ZNF783: variants seen among roughly 807,000 people sequenced by gnomAD.
ZNF783 encodes zinc finger protein 783.
A neutral mutation model predicts 31.3 loss-of-function variants in ZNF783; 25 were observed. That is an observed-to-expected ratio of 0.80 (90% CI 0.58 to 1.11). ZNF783 has a LOEUF of 1.11. ZNF783 is among the 50% of genes most tolerant of loss of function. The pLI is 0.00. For synonymous variants in ZNF783, 369 were observed against 319.1 expected (o/e 1.16, Z -1.66); for missense variants, 797 against 760.0 (o/e 1.05, Z -0.57).
chr7:149,271,873 A>G (rs1014071558), intron 4 of ZNF783, among the ~76,000 whole-genome samples: 8 of 152,152 alleles, frequency 5.3e-5, no homozygotes, highest in Non-Finnish European at 1.0e-4. Context: ...GTGGATTCAG[A>G]ATGTTCTGTG....
intron 4 of ZNF783, 33 bp downstream of exon 4, chr7:149,267,255 C>T (rs367896163): frequency 1.6e-4 from 247 of 1,551,066 alleles, no homozygotes; most frequent in African/African-American, 8.5e-4. Context: ...GTTGGGGGGC[C>T]GCCAGGGGCT....
At position 149,266,562 on chromosome 7, in the gene ZNF783, A is replaced by C. The variant is rs1364322599; in HGVS notation, c.252A>C (p.Thr84=). 11 of 1,614,208 alleles carry C rather than the reference A, an allele frequency of 6.8e-6. No homozygotes were observed. The highest frequency in any genetic ancestry group is 9.3e-6 in the Non-Finnish European group (11 of 1,180,038). The change falls in exon 2 of 6, where the codon ACA becomes ACC. Residue 84 remains threonine, a synonymous_variant. Coordinates refer to ENST00000434415, the MANE Select transcript of ZNF783 (RefSeq NM_001195220.2). ...AGAAGCTGGCCGACTGCGAGAAGAC[A>C]GCTGTGGAGTTCGGGAACCAGCTGG... ...AEKKLADCEK[T]AVEFGNQLEG... is the part of the protein sequence containing the mutation.
At chr7:149,280,674 C>T (rs1014191022) in intron 5 of ZNF783, among the ~76,000 whole-genome samples, 1 of 152,204 alleles carries the variant, frequency 6.6e-6, no homozygotes, top group African/African-American at 2.4e-5. Flanking sequence ...TGGCTGGGCT[C>T]CCAGCCCCTC....
At chr7:149,265,717 A>T (rs1159117595) in intron 1 of ZNF783, among the ~76,000 whole-genome samples, 1 of 152,252 alleles carries the variant, frequency 6.6e-6, no homozygotes, top group African/African-American at 2.4e-5. Context: ...TAGCCCTGCA[A>T]CATGGGGCTC....
intron 4 of ZNF783, chr7:149,277,755 A>AAAT (rs10683037): frequency 6.7e-6 from 1 of 148,284 alleles, no homozygotes; most frequent in Non-Finnish European, 1.5e-5. Context: ...AAAAAAAAAA[A>AAAT]TTCAAAAAAA....
chr7:149,266,926 C>T lies in ZNF783; in HGVS notation c.528C>T (p.Tyr176=), dbSNP rs199566596. 1.3e-4 allele frequency: 216 copies of T among 1,614,046 alleles called. No homozygotes were observed. The Middle Eastern group carries it at 5.6e-3, about 42-fold the overall frequency. Residue 176 remains tyrosine (Y), a synonymous_variant, in exon 3 of 6, where the codon TAC becomes TAT. Transcript: ENST00000434415. ...ELYKHVMRGN[Y]ETLVSLDYAI... Reference sequence around the variant, plus strand: ...ACAAGCACGTGATGAGGGGCAACTACGAGACGCTGGTCTCCCTGGGTAAGG... The same window carrying T: ...ACAAGCACGTGATGAGGGGCAACTATGAGACGCTGGTCTCCCTGGGTAAGG...
intron 1 of ZNF783, among the ~76,000 whole-genome samples, chr7:149,264,925 C>CGGG (rs1797029028): frequency 7.8e-6 from 1 of 127,540 alleles, no homozygotes; most frequent in South Asian, 2.7e-4. Context: ...AGTGTATTGT[C>CGGG]GGGGAGAAGC....
chr7:149,268,562 G>C (rs567603706), intron 4 of ZNF783, among the ~76,000 whole-genome samples: 32 of 152,274 alleles, frequency 2.1e-4, no homozygotes, highest in Non-Finnish European at 4.0e-4. Flanking sequence ...CCCAGGTAGT[G>C]AGCATAGTAC....
intron 1 of ZNF783, among the ~76,000 whole-genome samples, chr7:149,263,713 C>T (rs1054689621): frequency 2.0e-5 from 3 of 152,016 alleles, no homozygotes; most frequent in African/African-American, 7.2e-5. Context: ...ATCCTTTGGC[C>T]ATTTTTGACA....
chr7:149,271,959 T>C (rs1797219548), intron 4 of ZNF783, among the ~76,000 whole-genome samples: 1 of 152,224 alleles, frequency 6.6e-6, no homozygotes, highest in African/African-American at 2.4e-5. Context: ...TAAATAATGC[T>C]GCAGGGAGTA....
intron 4 of ZNF783, among the ~76,000 whole-genome samples, chr7:149,273,799 C>T (rs1466276159): frequency 2.6e-5 from 4 of 152,198 alleles, no homozygotes; most frequent in African/African-American, 9.6e-5. Flanking sequence ...CTGCCACAGC[C>T]TTCCAAAGCA....
Position 149,281,950 on chromosome 7 carries a change from C to A in ZNF783, c.1248C>A (p.Arg416=). The A allele has an allele frequency of 6.4e-7, 1 of 1,561,032 alleles. No homozygotes were observed. The highest frequency in any genetic ancestry group is 2.3e-5 in the East Asian group (1 of 43,774). ...GGCTCCCCGAGGAGCCTGAGGGTCG[C>A]CGCTCCGTGGCAGGGGGCCGTGCCT... ...IRWLPEEPEG[R]RSVAGGRALV... is the part of the protein sequence containing the mutation. The change falls in exon 6 of 6, where the codon CGC becomes CGA. Residue 416 remains arginine, a synonymous_variant. Coordinates refer to ENST00000434415, the MANE Select transcript of ZNF783 (RefSeq NM_001195220.2).
chr7:149,262,605 G>C (rs1046296139), intron 1 of ZNF783, among the ~76,000 whole-genome samples: 12 of 152,226 alleles, frequency 7.9e-5, no homozygotes, highest in Admixed American at 2.6e-4. Context: ...GCCTCAGCCA[G>C]GCCGGGCCCC....
Position 149,281,933 on chromosome 7 carries a change from G to A in ZNF783, c.1231G>A (p.Glu411Lys), listed in dbSNP as rs1255499208. 4 of 1,542,884 alleles carry A rather than the reference G, an allele frequency of 2.6e-6. No individual in the cohort carries two copies. The highest frequency in any genetic ancestry group is 1.2e-5 in the South Asian group (1 of 83,124). The change falls in exon 6 of 6, where the codon GAG becomes AAG. Residue 411 changes from glutamate to lysine, a missense_variant. Transcript: ENST00000434415. ...VPGPVIRWLPEEPEGRRSVAG... is the reference protein window; with the variant it reads ...VPGPVIRWLPKEPEGRRSVAG... ...CGGCCCTGTCATCCGCTGGCTCCCC[G>A]AGGAGCCTGAGGGTCGCCGCTCCGT...
rs750801512 is a variant in ZNF783 at position 149,281,748 on chromosome 7, TC to T, written c.1050del (p.Cys351AlafsTer10). The T allele has an allele frequency of 6.8e-6, 10 of 1,479,448 alleles. No homozygotes were observed. In the East Asian group the frequency reaches 2.2e-4, roughly 32 times the overall value. The allele number at this position is 1,479,448 out of a possible 1,614,324, so 91.6% of individuals were successfully genotyped here. On this transcript the variant is annotated frameshift_variant, in exon 6 of 6. Coordinates refer to ENST00000434415, the MANE Select transcript of ZNF783 (RefSeq NM_001195220.2). LOFTEE classifies it low-confidence loss of function (END_TRUNC). ...RVLSRRRQRAFPCPDCGQSFR... is the reference protein window; with the variant it reads ...RVLSRRRQRAXPCPDCGQSFR... ...CTCTCCCGCAGGCGGCAGCGGGCAT[TC>T]CCCTGCCCCGACTGCGGGCAGAGCT...
chr7:149,281,942 G>A lies in ZNF783; in HGVS notation c.1240G>A (p.Glu414Lys). Residue 414 changes from glutamate (E) to lysine (K), a missense_variant, in exon 6 of 6, where the codon GAG becomes AAG. Coordinates refer to ENST00000434415, the MANE Select transcript of ZNF783 (RefSeq NM_001195220.2). ...PVIRWLPEEP[E>K]GRRSVAGGRA... is the part of the protein sequence containing the mutation. ...CATCCGCTGGCTCCCCGAGGAGCCT[G>A]AGGGTCGCCGCTCCGTGGCAGGGGG... is the stretch of plus-strand genomic sequence containing the variant. 1 of 1,555,690 alleles carries A rather than the reference G, an allele frequency of 6.4e-7. No homozygotes were observed. Among genetic ancestry groups the A allele is most frequent in the Non-Finnish European group, 8.6e-7 (1 of 1,156,286 alleles).
chr7:149,276,897 G>A (rs1433740809), intron 4 of ZNF783, among the ~76,000 whole-genome samples: 12 of 151,782 alleles, frequency 7.9e-5, no homozygotes, highest in African/African-American at 2.9e-4. Context: ...CGCCCAGGCT[G>A]GAGTGCAGTG....
At position 149,281,536 on chromosome 7, in the gene ZNF783, G is replaced by A; in HGVS notation, c.834G>A (p.Gln278=). The A allele has an allele frequency of 6.8e-7, 1 of 1,467,792 alleles. No individual in the cohort carries two copies. The highest frequency in any genetic ancestry group is 8.9e-7 in the Non-Finnish European group (1 of 1,120,390). 90.9% of individuals were successfully genotyped at this position (1,467,792 alleles called of 1,614,324 possible). Residue 278 remains glutamine, a synonymous_variant, in exon 6 of 6, where the codon CAG becomes CAA. Transcript: ENST00000434415. ...GGGVAIKTEA[Q]SEDEMTPERL... is the part of the protein sequence containing the mutation. ...GTGTGGCCATCAAGACAGAGGCACA[G>A]TCTGAAGACGAGATGACGCCTGAGC...
rs558050239 is a variant in ZNF783, at chr7:149,281,657, G to T, written c.955G>T (p.Gly319Cys). 1 of 1,527,162 alleles carries T rather than the reference G, an allele frequency of 6.5e-7. No individual in the cohort carries two copies. Among genetic ancestry groups the T allele is most frequent in the East Asian group, 2.4e-5 (1 of 42,506 alleles). The allele number at this position is 1,527,162 out of a possible 1,614,324, so 94.6% of individuals were successfully genotyped here. ...PGGPSRHQAQ[G>C]MPRVRAGEPR... The stretch of plus-strand genomic sequence containing the variant: ...GGGCCCCAGCCGTCATCAGGCCCAG[G>T]GCATGCCCAGGGTGCGGGCAGGGGA... The change falls in exon 6 of 6, where the codon GGC becomes TGC. Residue 319 changes from glycine to cysteine, a missense_variant. Gly to Cys is a radical substitution (Grantham distance 159). Transcript: ENST00000434415.
Sources: allele counts gnomAD v4.1 joint callset (sites outside exome capture counted in the v4.1 genomes callset), GRCh38; gene constraint gnomAD v4.1.1; transcripts MANE v1.5; gene names NCBI Gene and HGNC (gene_info 2026-07-23, HGNC 2026-07-21).